TRPC5: variants seen among roughly 807,000 people sequenced by gnomAD.
TRPC5 encodes the protein transient receptor potential cation channel subfamily C member 5, also known as short transient receptor potential channel 5.
A neutral mutation model predicts 56.5 loss-of-function variants in TRPC5; 9 were observed. The observed-to-expected ratio is 0.16, with a 90% CI of 0.10 to 0.28. The LOEUF is 0.28. Among genes scored for constraint, TRPC5 ranks in the 10% least tolerant of loss-of-function variants. TRPC5 has a pLI of 1.00. For missense variants in TRPC5, 469 were observed against 748.9 expected (o/e 0.63, Z 4.36); for synonymous variants, 282 against 278.5 (o/e 1.01, Z -0.13).
chrX:111,975,882 C>T (rs1040482176), intron 1 of TRPC5, among the ~76,000 whole-genome samples: 21 of 111,275 alleles, frequency 1.9e-4, no homozygotes, highest in Middle Eastern at 4.7e-3. Context: ...CCAGCCTGGG[C>T]GACAGAGCAA....
intron 1 of TRPC5, among the ~76,000 whole-genome samples, chrX:112,028,258 G>A (rs1313887071): frequency 9.0e-6 from 1 of 110,737 alleles, no homozygotes; most frequent in Non-Finnish European, 1.9e-5. Flanking sequence ...GAAACTTAGT[G>A]CTTTTAACTT....
intron 1 of TRPC5, among the ~76,000 whole-genome samples, chrX:112,037,023 G>T (rs111883251): frequency 0.015 from 1,638 of 111,993 alleles, 34 homozygotes; most frequent in African/African-American, 0.05. Flanking sequence ...GCAAAGTCTG[G>T]TGACTAAATT....
chrX:112,017,898 G>A (rs1369615059), intron 1 of TRPC5, among the ~76,000 whole-genome samples: 1 of 112,147 alleles, frequency 8.9e-6, no homozygotes, highest in Non-Finnish European at 1.9e-5. Context: ...CACTTAAAGT[G>A]TGGCTAGTAT....
At chrX:111,890,714 A>G (rs1005011607) in intron 3 of TRPC5, among the ~76,000 whole-genome samples, 4 of 112,210 alleles carry the variant, frequency 3.6e-5, no homozygotes, top group African/African-American at 9.7e-5. Context: ...AATTAAATAA[A>G]AAATTTTAAC....
intron 5 of TRPC5, among the ~76,000 whole-genome samples, chrX:111,850,169 G>A (rs1212135368): frequency 9.0e-6 from 1 of 111,106 alleles, no homozygotes; most frequent in African/African-American, 3.3e-5. Flanking sequence ...CGAAGCAGTG[G>A]TGGAATAGAT....
At chrX:112,027,563 C>T in intron 1 of TRPC5, among the ~76,000 whole-genome samples, 1 of 111,300 alleles carries the variant, frequency 9.0e-6, no homozygotes, top group Non-Finnish European at 1.9e-5. Context: ...GTGGCGCGAT[C>T]TTGGCTCACT....
At position 111,776,548 on chromosome X, in the gene TRPC5, T is replaced by A; in HGVS notation, c.2687A>T (p.Gln896Leu). Reference protein sequence around the residue: ...MEKGKAEACSQSEINLSEVEL... With the variant: ...MEKGKAEACSLSEINLSEVEL... ...TACCTCACTGAGGTTAATTTCACTT[T>A]GAGAACAGGCCTCTGCTTTCCCTTT... The change falls in exon 11 of 11, where the codon CAA becomes CTA. Residue 896 changes from glutamine (Q) to leucine (L), a missense_variant. Physicochemically the swap from Gln to Leu is moderately radical, Grantham distance 113 (BLOSUM62 -2). This residue lies in a region of TRPC5 where 194 missense variants were observed against 221.8 expected (regional missense o/e 0.87). Transcript: ENST00000262839. The A allele has an allele frequency of 1.7e-6, 2 of 1,211,749 alleles. No homozygotes were observed. The highest frequency in any genetic ancestry group is 1.1e-6 in the Non-Finnish European group (1 of 895,493).
chrX:111,814,403 C>T (rs527261436), intron 7 of TRPC5, among the ~76,000 whole-genome samples: 25 of 111,068 alleles, frequency 2.3e-4, no homozygotes, highest in Admixed American at 2.2e-3. Flanking sequence ...CTGGGGCCTG[C>T]TGGGAATCAC....
chrX:111,861,781 C>T (rs868736119), intron 3 of TRPC5, among the ~76,000 whole-genome samples: 28 of 111,382 alleles, frequency 2.5e-4, no homozygotes, highest in African/African-American at 8.5e-4. Flanking sequence ...TTTAGTTGAG[C>T]AATACTCTTT....
chrX:111,825,162 T>C (rs193273837), intron 7 of TRPC5, among the ~76,000 whole-genome samples: 4,448 of 55,974 alleles, frequency 0.079, 500 homozygotes, highest in African/African-American at 0.34. Flanking sequence ...TTTCTTTCTT[T>C]CTTTCTTTCT....
intron 1 of TRPC5, among the ~76,000 whole-genome samples, chrX:112,057,436 TTTA>T (rs1443872357): frequency 8.9e-6 from 1 of 111,948 alleles, no homozygotes; most frequent in Non-Finnish European, 1.9e-5. Flanking sequence ...TTACACTTTT[TTTA>T]TTATTATTCC....
intron 2 of TRPC5, among the ~76,000 whole-genome samples, chrX:111,943,497 G>C (rs1039754939): frequency 1.8e-5 from 2 of 111,912 alleles, no homozygotes; most frequent in African/African-American, 6.5e-5. Context: ...GTGTTGTTGA[G>C]ATTTAATCTC....
intron 1 of TRPC5, among the ~76,000 whole-genome samples, chrX:112,007,941 G>A (rs1458268837): frequency 1.8e-5 from 2 of 111,626 alleles, no homozygotes; most frequent in Non-Finnish European, 3.8e-5. Context: ...GGGGAGTTAA[G>A]GGGAGAGGAA....
At chrX:111,821,364 T>C (rs1417357139) in intron 7 of TRPC5, among the ~76,000 whole-genome samples, 2 of 111,913 alleles carry the variant, frequency 1.8e-5, no homozygotes, top group Non-Finnish European at 3.8e-5. Context: ...ATTTTCACTC[T>C]TAGATTTTTT....
At chrX:111,915,658 C>G (rs374650767) in intron 2 of TRPC5, among the ~76,000 whole-genome samples, 1 of 112,322 alleles carries the variant, frequency 8.9e-6, no homozygotes, top group African/African-American at 3.2e-5. Flanking sequence ...ACTTCACACA[C>G]GTACTTTTTG....
At chrX:111,837,249 A>G (rs1477382864) in intron 6 of TRPC5, among the ~76,000 whole-genome samples, 2 of 111,360 alleles carry the variant, frequency 1.8e-5, no homozygotes, top group Admixed American at 9.6e-5. Flanking sequence ...AGGCAATACA[A>G]TGCATCGCAG....
At chrX:112,056,631 A>G (rs773513500) in intron 1 of TRPC5, among the ~76,000 whole-genome samples, 1 of 112,412 alleles carries the variant, frequency 8.9e-6, no homozygotes, top group Non-Finnish European at 1.9e-5. Flanking sequence ...GCTGCTTAGC[A>G]ATGTATGAAA....
intron 3 of TRPC5, among the ~76,000 whole-genome samples, chrX:111,908,631 C>G (rs1431175899): frequency 9.0e-6 from 1 of 111,354 alleles, no homozygotes; most frequent in Non-Finnish European, 1.9e-5. Context: ...TACTAAATAC[C>G]ATGGTTTTCA....
intron 3 of TRPC5, chrX:111,895,832 C>G (rs1476380788): frequency 9.0e-6 from 1 of 111,700 alleles, no homozygotes; most frequent in African/African-American, 3.3e-5. Context: ...TTCACTATTA[C>G]TAGCCTTTAT....
Sources: gnomAD v4.1 joint callset for allele counts (sites outside exome capture counted in the v4.1 genomes callset) on GRCh38, gnomAD v4.1.1 for gene constraint, gnomAD v4.1.1 regional missense constraint, MANE v1.5 for transcripts, NCBI Gene and HGNC (gene_info 2026-07-23, HGNC 2026-07-21) for gene names.